Variants in CABLES1 observed in about 807,000 individuals in gnomAD.
The protein encoded by CABLES1 is CDK5 and ABL1 enzyme substrate 1.
CABLES1 carries 36 observed loss-of-function variants against 57.8 expected under a neutral mutation model. That is an observed-to-expected ratio of 0.62 (90% CI 0.48 to 0.82). The LOEUF is 0.82. Among genes scored for constraint, CABLES1 ranks in the 40% least tolerant of loss-of-function variants. The pLI is 0.00. For missense variants in CABLES1, 767 were observed against 836.6 expected, an observed-to-expected ratio of 0.92 and a Z score of 1.03; for synonymous variants, 374 against 363.0, an observed-to-expected ratio of 1.03 and a Z score of -0.35.
chr18:23,195,089 C>T (rs535709010), intron 3 of CABLES1, among the ~76,000 whole-genome samples: 5 of 152,302 alleles, frequency 3.3e-5, no homozygotes, highest in African/African-American at 9.6e-5. Flanking sequence ...TTCAGCTGCT[C>T]GTTTGGAAAG....
chr18:23,192,279 C>G (rs1433424804), intron 2 of CABLES1, among the ~76,000 whole-genome samples: 1 of 152,256 alleles, frequency 6.6e-6, no homozygotes, highest in Non-Finnish European at 1.5e-5. Flanking sequence ...GGCACCTGCC[C>G]TGGTTTTCCA....
intron 4 of CABLES1, among the ~76,000 whole-genome samples, chr18:23,221,369 T>C (rs2047485777): frequency 6.6e-6 from 1 of 152,246 alleles, no homozygotes; most frequent in South Asian, 2.1e-4. Context: ...ATTCAAAGTC[T>C]TGCCTGCAGC....
intron 7 of CABLES1, among the ~76,000 whole-genome samples, chr18:23,238,075 G>A (rs547716335): frequency 4.7e-4 from 72 of 152,378 alleles, no homozygotes; most frequent in Non-Finnish European, 7.8e-4. Context: ...TGGCGGGGCC[G>A]GCACAGCCGA....
chr18:23,159,398 C>T (rs1425376000), intron 1 of CABLES1, among the ~76,000 whole-genome samples: 7 of 152,234 alleles, frequency 4.6e-5, no homozygotes, highest in South Asian at 2.1e-4. Context: ...AGCTTTGCTT[C>T]GCCTAAGCTG....
intron 7 of CABLES1, among the ~76,000 whole-genome samples, chr18:23,239,438 G>A (rs1459743997): frequency 2.6e-5 from 4 of 152,262 alleles, no homozygotes; most frequent in East Asian, 3.9e-4. Flanking sequence ...CAGAATTCTC[G>A]TCTAAGTTCT....
At chr18:23,246,618 C>T (rs1351843993) in intron 7 of CABLES1, among the ~76,000 whole-genome samples, 2 of 151,706 alleles carry the variant, frequency 1.3e-5, no homozygotes, top group Admixed American at 1.3e-4. Context: ...GTCTCGATCT[C>T]CTGACCTTGT....
intron 1 of CABLES1, among the ~76,000 whole-genome samples, chr18:23,168,058 C>T (rs2047056051): frequency 6.6e-6 from 1 of 152,182 alleles, no homozygotes; most frequent in Admixed American, 6.5e-5. Flanking sequence ...CTGGAGGCCC[C>T]TCAGGGCGAT....
At chr18:23,202,625 C>G (rs1345628513) in intron 3 of CABLES1, among the ~76,000 whole-genome samples, 2 of 152,222 alleles carry the variant, frequency 1.3e-5, no homozygotes, top group African/African-American at 4.8e-5. Flanking sequence ...ATTTACACAG[C>G]CTCGCTCATT....
rs1006142132 is a variant in CABLES1, at chr18:23,258,472, C to T, written c.*1105C>T. ...CTCTTTCTTAACATTCCCACGTGCC[C>T]AGGGCTGTTCATGCAAGATTTTAAT... On this transcript the variant is annotated 3_prime_UTR_variant, in exon 10 of 10. Coordinates refer to ENST00000256925, the MANE Select transcript of CABLES1 (RefSeq NM_001100619.3). 3.9e-5 allele frequency: 6 copies of T among 152,136 alleles called. No individual in the cohort carries two copies. The highest frequency in any genetic ancestry group is 8.8e-5 in the Non-Finnish European group (6 of 68,038). The allele number at this position is 152,136 out of a possible 1,614,324, so 9.4% of individuals were successfully genotyped here.
At chr18:23,250,698 G>A (rs920480762) in intron 7 of CABLES1, among the ~76,000 whole-genome samples, 1 of 152,156 alleles carries the variant, frequency 6.6e-6, no homozygotes, top group Non-Finnish European at 1.5e-5. Flanking sequence ...GTGGTTAGCC[G>A]GGACCAGAAT....
chr18:23,136,673 G>C (rs760772501), intron 1 of CABLES1, 66 bp downstream of exon 1: 28 of 1,083,600 alleles, frequency 2.6e-5, no homozygotes, highest in Non-Finnish European at 3.3e-5. Context: ...GCCTCCCCGC[G>C]GTCTCTGGGC....
At chr18:23,222,982 G>A (rs867657276) in intron 4 of CABLES1, among the ~76,000 whole-genome samples, 17 of 152,258 alleles carry the variant, frequency 1.1e-4, no homozygotes, top group Admixed American at 2.0e-4. Context: ...CATTAGCCTC[G>A]CAGCCTGTGC....
At chr18:23,217,176 C>T (rs550373774) in intron 4 of CABLES1, among the ~76,000 whole-genome samples, 46 of 152,150 alleles carry the variant, frequency 3.0e-4, no homozygotes, top group African/African-American at 9.6e-4. Flanking sequence ...CGAACTCCTA[C>T]GCTCGAGCCA....
intron 3 of CABLES1, among the ~76,000 whole-genome samples, chr18:23,198,313 T>C (rs532186085): frequency 1.1e-4 from 17 of 152,206 alleles, no homozygotes; most frequent in African/African-American, 3.1e-4. Flanking sequence ...CAAAACTCAG[T>C]AGGTGTTTGT....
intron 4 of CABLES1, chr18:23,219,141 G>A (rs891458345): frequency 4.4e-6 from 2 of 453,752 alleles, no homozygotes; most frequent in African/African-American, 2.0e-5. Flanking sequence ...CTGCAGCCTG[G>A]TGAGCACCTA....
At chr18:23,215,942 G>A (rs754140264) in intron 4 of CABLES1, among the ~76,000 whole-genome samples, 1 of 152,060 alleles carries the variant, frequency 6.6e-6, no homozygotes, top group South Asian at 2.1e-4. Flanking sequence ...TTTTAGTAGA[G>A]ACGGGGTTTC....
At chr18:23,176,815 C>T (rs1294376560) in intron 1 of CABLES1, among the ~76,000 whole-genome samples, 2 of 152,138 alleles carry the variant, frequency 1.3e-5, no homozygotes, top group Non-Finnish European at 2.9e-5. Context: ...AAAATCCACT[C>T]CTGCTGAAGG....
In CABLES1 at chr18:23,253,950, T is replaced by C. The variant is rs771964018; in HGVS notation, c.1761+14T>C. The C allele has an allele frequency of 8.7e-6, 14 of 1,612,096 alleles. No homozygotes were observed. In the Admixed American group the frequency reaches 2.0e-4, roughly 23 times the overall value. On this transcript the variant is annotated intron_variant, in intron 9 of 9. Coordinates refer to ENST00000256925, the MANE Select transcript of CABLES1 (RefSeq NM_001100619.3). ...CATTTAATTGACGTAAGTAGCCTTT[T>C]TCCTGGTGGCTGGAGGAGCACATGC...
intron 1 of CABLES1, among the ~76,000 whole-genome samples, chr18:23,157,664 T>C (rs1315286249): frequency 1.3e-5 from 1 of 74,228 alleles, no homozygotes; most frequent in Non-Finnish European, 3.2e-5. Flanking sequence ...AAAAGAAATA[T>C]TATTATCTCT....
Sources: allele counts gnomAD v4.1 joint callset (sites outside exome capture counted in the v4.1 genomes callset), GRCh38; gene constraint gnomAD v4.1.1; transcripts MANE v1.5; gene names NCBI Gene and HGNC (gene_info 2026-07-23, HGNC 2026-07-21).